The following TDRD3 variants were observed in gnomAD, a reference collection of about 807,000 sequenced individuals.
TDRD3 encodes tudor domain-containing protein 3.
In TDRD3, 45 loss-of-function variants were observed where a neutral mutation model predicts 86.7. The observed-to-expected ratio is 0.52, with a 90% confidence interval of 0.41 to 0.67. The LOEUF (loss-of-function observed/expected upper bound fraction) is 0.67. TDRD3 is among the 30% of genes least tolerant of loss of function. The probability of loss-of-function intolerance (pLI) is 0.00; values close to 1 mark genes in which losing one functional copy is unlikely to be tolerated. For missense variants in TDRD3, 814 were observed against 889.0 expected (o/e 0.92, Z 1.07); for synonymous variants, 298 against 301.7 (o/e 0.99, Z 0.13).
chr13:60,568,413 G>A (rs758899274), intron 13 of TDRD3, among the ~76,000 whole-genome samples: 3 of 152,156 alleles, frequency 2.0e-5, no homozygotes, highest in Admixed American at 6.5e-5. Flanking sequence ...TTTTCTTACG[G>A]CATGGAATAA....
At chr13:60,486,183 C>T (rs573483185) in intron 7 of TDRD3, among the ~76,000 whole-genome samples, 20 of 152,050 alleles carry the variant, frequency 1.3e-4, no homozygotes, top group Non-Finnish European at 2.5e-4. Flanking sequence ...CTCTTGCTGG[C>T]AAATTACCCT....
intron 5 of TDRD3, among the ~76,000 whole-genome samples, chr13:60,470,187 A>G (rs898657314): frequency 2.6e-5 from 4 of 152,208 alleles, no homozygotes; most frequent in African/African-American, 9.6e-5. Context: ...TTCAGTGTTC[A>G]TCTATGTTGC....
intron 12 of TDRD3, among the ~76,000 whole-genome samples, chr13:60,557,047 A>T (rs1958203980): frequency 6.6e-6 from 1 of 152,074 alleles, no homozygotes; most frequent in South Asian, 2.1e-4. Flanking sequence ...TCTACTAAAA[A>T]TACAAAAAAT....
intron 3 of TDRD3, among the ~76,000 whole-genome samples, chr13:60,459,537 A>G (rs1298047242): frequency 6.6e-6 from 1 of 152,228 alleles, no homozygotes; most frequent in Non-Finnish European, 1.5e-5. Flanking sequence ...TACTTCTTCA[A>G]CTTTTTAGTT....
intron 3 of TDRD3, among the ~76,000 whole-genome samples, chr13:60,450,705 C>A (rs78880155): frequency 0.011 from 1,706 of 152,108 alleles, 39 homozygotes; most frequent in African/African-American, 0.039. Flanking sequence ...ATCAAGATAG[C>A]CTCTGTCTTA....
chr13:60,494,408 T>A, intron 7 of TDRD3, 27 bp from the exon 8 acceptor site: 1 of 1,592,178 alleles, frequency 6.3e-7, no homozygotes, highest in Non-Finnish European at 8.6e-7. Flanking sequence ...TCTACATACC[T>A]CTCTTTTATC....
intron 12 of TDRD3, among the ~76,000 whole-genome samples, chr13:60,541,859 C>T (rs1008592890): frequency 2.0e-5 from 3 of 150,776 alleles, no homozygotes; most frequent in African/African-American, 7.3e-5. Flanking sequence ...TCCTGAGTAG[C>T]TAGGATTACA....
chr13:60,486,055 C>G, intron 7 of TDRD3, 107 bp downstream of exon 7: 13 of 1,164,584 alleles, frequency 1.1e-5, no homozygotes, highest in Non-Finnish European at 1.5e-5. Context: ...TCAACAAACG[C>G]TTAACCTTAT....
At chr13:60,449,029 A>G (rs1415525736) in intron 3 of TDRD3, among the ~76,000 whole-genome samples, 1 of 152,088 alleles carries the variant, frequency 6.6e-6, no homozygotes. Flanking sequence ...AAAACTATGA[A>G]TAAGACCTAA....
At chr13:60,523,573 C>CATT (rs1957337364) in intron 10 of TDRD3, among the ~76,000 whole-genome samples, 1 of 105,054 alleles carries the variant, frequency 9.5e-6, no homozygotes, top group African/African-American at 3.6e-5. Context: ...ATACATTTTT[C>CATT]TTTTTTTTTT....
intron 12 of TDRD3, among the ~76,000 whole-genome samples, chr13:60,543,123 G>T (rs1240842431): frequency 2.6e-5 from 4 of 152,124 alleles, no homozygotes; most frequent in Admixed American, 6.5e-5. Flanking sequence ...CCATTCAGAA[G>T]GGAAAGGAAG....
chr13:60,471,900 T>C (rs753060081), intron 5 of TDRD3, among the ~76,000 whole-genome samples: 17 of 152,192 alleles, frequency 1.1e-4, no homozygotes, highest in Admixed American at 3.9e-4. Flanking sequence ...AAACTTTTAA[T>C]ATAGTGTTGA....
intron 1 of TDRD3, among the ~76,000 whole-genome samples, chr13:60,432,942 C>G (rs1199718922): frequency 6.6e-6 from 1 of 151,998 alleles, no homozygotes; most frequent in Non-Finnish European, 1.5e-5. Context: ...AGGTTAGAAC[C>G]CCAAAAACTG....
intron 2 of TDRD3, among the ~76,000 whole-genome samples, chr13:60,440,479 G>T (rs755139598): frequency 6.6e-6 from 1 of 152,040 alleles, no homozygotes; most frequent in Non-Finnish European, 1.5e-5. Flanking sequence ...TCAGGAGTTC[G>T]AGACCAGCCT....
chr13:60,544,163 G>T (rs1438625769), intron 12 of TDRD3, among the ~76,000 whole-genome samples: 2 of 151,738 alleles, frequency 1.3e-5, no homozygotes, highest in South Asian at 2.1e-4. Flanking sequence ...CAAAAAAAGT[G>T]TTGGGTTGGG....
At chr13:60,475,612 A>C (rs1407938797) in intron 5 of TDRD3, among the ~76,000 whole-genome samples, 1 of 152,128 alleles carries the variant, frequency 6.6e-6, no homozygotes, top group Non-Finnish European at 1.5e-5. Flanking sequence ...TTCTTTGAGG[A>C]ATCTCCGAAC....
At chr13:60,509,363 T>C (rs1278550142) in intron 8 of TDRD3, among the ~76,000 whole-genome samples, 2 of 152,130 alleles carry the variant, frequency 1.3e-5, no homozygotes, top group African/African-American at 2.4e-5. Flanking sequence ...TAGTTTACAT[T>C]TTTGGAGAGG....
chr13:60,442,954 A>G (rs1955315113), intron 2 of TDRD3, among the ~76,000 whole-genome samples: 2 of 152,068 alleles, frequency 1.3e-5, no homozygotes, highest in Admixed American at 1.3e-4. Flanking sequence ...GATGAAAACC[A>G]GAAATGAGGG....
intron 12 of TDRD3, chr13:60,536,877 T>C (rs1162397969): frequency 6.6e-6 from 1 of 152,068 alleles, no homozygotes; most frequent in Non-Finnish European, 1.5e-5. Context: ...CTTTCTACAG[T>C]CAGTGACTTT....
Sources: gnomAD v4.1 joint callset for allele counts (sites outside exome capture counted in the v4.1 genomes callset) on GRCh38, gnomAD v4.1.1 for gene constraint, MANE v1.5 for transcripts, NCBI Gene and HGNC (gene_info 2026-07-23, HGNC 2026-07-21) for gene names.